Variants in ITGA4 observed in about 807,000 individuals in gnomAD.
ITGA4 encodes integrin subunit alpha 4, also known as integrin alpha-4.
In ITGA4, 63 loss-of-function variants were observed where a neutral mutation model predicts 133.6. That is an observed-to-expected ratio of 0.47 (90% CI 0.38 to 0.58). The LOEUF is 0.58. ITGA4 is among the 20% of genes least tolerant of loss of function. ITGA4 has a pLI of 0.00. For missense variants in ITGA4, 1,076 were observed against 1,252.7 expected (o/e 0.86, Z 2.13); for synonymous variants, 483 against 438.0 (o/e 1.10, Z -1.28).
At position 181,536,496 on chromosome 2, in the gene ITGA4, T is replaced by C. The variant is rs202104512; in HGVS notation, c.*969T>C. On this transcript the variant is annotated 3_prime_UTR_variant, in exon 28 of 28. Coordinates refer to ENST00000397033, the MANE Select transcript of ITGA4 (RefSeq NM_000885.6). ...CATATGTATTATGTACTATGTAAAA[T>C]ATTGACTATCACACAACTATTTCCT... 4.6e-5 allele frequency among the ~76,000 whole-genome samples: 7 copies of C among 151,996 alleles called. No individual in the cohort carries two copies. The highest frequency in any genetic ancestry group is 1.7e-4 in the African/African-American group (7 of 41,380).
intron 2 of ITGA4, among the ~76,000 whole-genome samples, chr2:181,468,322 G>C (rs1023086742): frequency 2.6e-5 from 4 of 152,176 alleles, no homozygotes; most frequent in South Asian, 2.1e-4. Context: ...ATAGTAAAGA[G>C]AAAAGACCTC....
At chr2:181,490,041 G>A (rs1051478679) in intron 10 of ITGA4, among the ~76,000 whole-genome samples, 3 of 152,136 alleles carry the variant, frequency 2.0e-5, no homozygotes, top group South Asian at 2.1e-4. Context: ...CAGGGGGTAC[G>A]TGACTGGGGG....
Position 181,535,510 on chromosome 2 carries a change from A to G in ITGA4, c.3082A>G (p.Lys1028Glu). ...RRDSWSYINS[K>E]SNDD ...AGACAGTTGGAGTTATATCAACAGT[A>G]AAAGCAATGATGATTAAGGACTTCT... Residue 1028 changes from lysine to glutamate, a missense_variant, in exon 28 of 28, where the codon AAA (lysine) becomes GAA (glutamate). Physicochemically the swap from Lys to Glu is moderately conservative, Grantham distance 56. Around this residue, in one of 4 missense-constraint regions of ITGA4, gnomAD observed 193 missense variants for 172.3 expected, o/e 1.12. Transcript: ENST00000397033. The G allele has an allele frequency of 6.2e-7, 1 of 1,609,306 alleles. No homozygotes were observed. The highest frequency in any genetic ancestry group is 8.5e-7 in the Non-Finnish European group (1 of 1,177,470).
intron 15 of ITGA4, among the ~76,000 whole-genome samples, chr2:181,503,718 G>C (rs1686333596): frequency 6.6e-6 from 1 of 151,750 alleles, no homozygotes; most frequent in Non-Finnish European, 1.5e-5. Context: ...AAAGGAAATG[G>C]TTAATTTCAT....
At position 181,493,434 on chromosome 2, in the gene ITGA4, T is replaced by A. The variant is rs773179620; in HGVS notation, c.1248+15T>A. On this transcript the variant is annotated intron_variant, in intron 11 of 27. Transcript: ENST00000397033. ...CCTTCTCACAGGTAAGGTACTATTC[T>A]ATTTCCAAAAGAAGCATTGGTTATA... is the stretch of plus-strand genomic sequence containing the variant. 2.6e-6 allele frequency: 4 copies of A among 1,514,474 alleles called. No homozygotes were observed. In the Admixed American group the frequency reaches 7.3e-5, roughly 28 times the overall value. The allele number at this position is 1,514,474 out of a possible 1,614,324, so 93.8% of individuals were successfully genotyped here. A position where few individuals can be genotyped will look rare whatever the true frequency, so the allele number is the denominator to read the frequency against.
At chr2:181,493,867 T>C (rs1243810913) in intron 11 of ITGA4, among the ~76,000 whole-genome samples, 1 of 152,194 alleles carries the variant, frequency 6.6e-6, no homozygotes, top group African/African-American at 2.4e-5. Context: ...ACTTTAATAA[T>C]GTCTCAGGAT....
intron 10 of ITGA4, among the ~76,000 whole-genome samples, chr2:181,491,697 G>C (rs918151538): frequency 6.6e-6 from 1 of 151,972 alleles, no homozygotes; most frequent in African/African-American, 2.4e-5. Context: ...ATAAATTGCT[G>C]TCTTCCCTTC....
chr2:181,468,152 C>T (rs1685465379), intron 2 of ITGA4, among the ~76,000 whole-genome samples: 1 of 152,216 alleles, frequency 6.6e-6, no homozygotes, highest in Non-Finnish European at 1.5e-5. Flanking sequence ...CGGAGATAGG[C>T]ATCTTCTGAG....
At chr2:181,534,722 G>A (rs1687019016) in intron 26 of ITGA4, 94 bp from the exon 27 acceptor site, 3 of 1,058,630 alleles carry the variant, frequency 2.8e-6, no homozygotes, top group Non-Finnish European at 4.1e-6. Context: ...AATACTACTG[G>A]GGATTATGGC....
At chr2:181,503,739 T>C (rs1172405996) in intron 15 of ITGA4, among the ~76,000 whole-genome samples, 1 of 152,060 alleles carries the variant, frequency 6.6e-6, no homozygotes, top group Non-Finnish European at 1.5e-5. Context: ...TTATATCTTT[T>C]AGTGTTTTAT....
Position 181,534,788 on chromosome 2 carries a change from TGAGTTTTA to T in ITGA4, c.2884-27_2884-20del. On this transcript the variant is annotated intron_variant, in intron 26 of 27. Transcript: ENST00000397033. The stretch of plus-strand genomic sequence containing the variant: ...TAAACTGATTTTTTTTTTTGGTTTT[TGAGTTTTA>T]TTTTTCTTAACTCACGTAGGTTCTA... 1 of 1,541,632 alleles carries T rather than the reference TGAGTTTTA, an allele frequency of 6.5e-7. No homozygotes were observed. Among genetic ancestry groups the T allele is most frequent in the Admixed American group, 2.3e-5 (1 of 43,586 alleles).
At chr2:181,479,456 T>C (rs553261259) in intron 5 of ITGA4, 1 of 150,700 alleles carries the variant, frequency 6.6e-6, no homozygotes, top group South Asian at 2.1e-4. Context: ...TTAACAGTTA[T>C]ATTAAAATGC....
intron 25 of ITGA4, 68 bp downstream of exon 25, chr2:181,531,844 T>C (rs1431390640): frequency 2.6e-5 from 30 of 1,162,994 alleles, no homozygotes; most frequent in Non-Finnish European, 3.6e-5. Flanking sequence ...TTCAGTCATA[T>C]AGGCAGGATA....
chr2:181,495,317 TAA>T lies in ITGA4; in HGVS notation c.1340-53_1340-52del. ...TAGTTAAGTATTTATGGCTGAAAAA[TAA>T]TTCTCTTTGACTAATGATGATCATT... On this transcript the variant is annotated intron_variant, in intron 12 of 27. Coordinates refer to ENST00000397033, the MANE Select transcript of ITGA4 (RefSeq NM_000885.6). The surrounding 1 kb of genome is among the most constrained non-coding windows in gnomAD (Gnocchi z 4.3). The T allele has an allele frequency of 7.3e-7, 1 of 1,373,306 alleles. No individual in the cohort carries two copies. The highest frequency in any genetic ancestry group is 1.0e-6 in the Non-Finnish European group (1 of 961,974). 85.1% of individuals were successfully genotyped at this position (1,373,306 alleles called of 1,614,324 possible).
rs200311811 is a variant in ITGA4 at position 181,493,441 on chromosome 2, A to G, written c.1248+22A>G. ...ACAGGTAAGGTACTATTCTATTTCC[A>G]AAAGAAGCATTGGTTATAATGCATA... is the stretch of plus-strand genomic sequence containing the variant. On this transcript the variant is annotated intron_variant, in intron 11 of 27. Transcript: ENST00000397033. 100 of 1,464,798 alleles carry G rather than the reference A, an allele frequency of 6.8e-5. No individual in the cohort carries two copies. The South Asian group carries it at 1.1e-3, about 16-fold the overall frequency. 90.7% of individuals were successfully genotyped at this position (1,464,798 alleles called of 1,614,324 possible).
rs1686615081 is a variant in ITGA4 at position 181,516,788 on chromosome 2, C to G, written c.1922+5013C>G. On this transcript the variant is annotated intron_variant, in intron 17 of 27. Coordinates refer to ENST00000397033, the MANE Select transcript of ITGA4 (RefSeq NM_000885.6). The surrounding 1 kb of genome is among the most constrained non-coding windows in gnomAD (Gnocchi z 4.0). Reference sequence around the variant, plus strand: ...TCTGTTGGCAGCTAAGAAGGGAAATCACTGTTGGCTAGACAATGAGCAAGG... The same window carrying G: ...TCTGTTGGCAGCTAAGAAGGGAAATGACTGTTGGCTAGACAATGAGCAAGG... 6.6e-6 allele frequency among the ~76,000 whole-genome samples: 1 copy of G among 152,022 alleles called. No homozygotes were observed.
chr2:181,537,683 ATATTGATGTAT>A lies in ITGA4; in HGVS notation c.*2160_*2170del, dbSNP rs1687221925. 1 of 432,758 alleles carries A rather than the reference ATATTGATGTAT, an allele frequency of 2.3e-6. No individual in the cohort carries two copies. The highest frequency in any genetic ancestry group is 4.6e-6 in the Non-Finnish European group (1 of 218,858). The allele number at this position is 432,758 out of a possible 1,614,324, so 26.8% of individuals were successfully genotyped here. A position where few individuals can be genotyped will look rare whatever the true frequency, so the allele number is the denominator to read the frequency against. ...ATTATTTCAGAATTATCTAGGTTAA[ATATTGATGTAT>A]TATGATGGTTGCAAAGTTTTTTTGT... On this transcript the variant is annotated 3_prime_UTR_variant, in exon 28 of 28. Coordinates refer to ENST00000397033, the MANE Select transcript of ITGA4 (RefSeq NM_000885.6).
intron 22 of ITGA4, 140 bp from the exon 23 acceptor site, chr2:181,529,401 G>T: frequency 2.2e-6 from 1 of 444,870 alleles, no homozygotes; most frequent in Non-Finnish European, 4.0e-6. Context: ...GTCTCCCTTT[G>T]TTATGCAGCT....
intron 2 of ITGA4, among the ~76,000 whole-genome samples, chr2:181,474,079 AAAAG>A (rs1685618823): frequency 6.6e-6 from 1 of 152,242 alleles, no homozygotes; most frequent in East Asian, 1.9e-4. Context: ...GAAGAGGGTG[AAAAG>A]AAAGACAGCA....
Sources: gnomAD v4.1 joint callset for allele counts (sites outside exome capture counted in the v4.1 genomes callset) on GRCh38, gnomAD v4.1.1 for gene constraint, gnomAD v4.1.1 regional missense constraint, Gnocchi (gnomAD v3.1) non-coding constraint, MANE v1.5 for transcripts, NCBI Gene and HGNC (gene_info 2026-07-23, HGNC 2026-07-21) for gene names.